The following NAALADL2 variants were observed in gnomAD, a reference collection of about 807,000 sequenced individuals.
The protein encoded by NAALADL2 is N-acetylated alpha-linked acidic dipeptidase like 2.
Under a neutral mutation model 87.2 loss-of-function variants are expected in NAALADL2, and 76 were observed. The observed-to-expected ratio is 0.87, with a 90% CI of 0.72 to 1.05. NAALADL2 has a LOEUF of 1.05. Ranked by LOEUF, NAALADL2 falls within the 50% of genes least tolerant of loss-of-function variation. The pLI is 0.00. For missense variants in NAALADL2, 1,089 were observed against 945.8 expected (o/e 1.15, Z -1.99); for synonymous variants, 354 against 331.0 (o/e 1.07, Z -0.75).
intron 1 of NAALADL2, among the ~76,000 whole-genome samples, chr3:175,016,752 T>C (rs1489416476): frequency 1.3e-5 from 2 of 151,990 alleles, no homozygotes; most frequent in Non-Finnish European, 2.9e-5. Flanking sequence ...ATGAATTATA[T>C]TTTTTCCTTA....
intron 13 of NAALADL2, among the ~76,000 whole-genome samples, chr3:175,779,995 G>A (rs143553104): frequency 5.2e-4 from 79 of 152,104 alleles, no homozygotes; most frequent in Non-Finnish European, 1.0e-3. Context: ...AGGGCCGGGC[G>A]CGGTGGCTCA....
At chr3:175,341,538 G>A (rs796590649) in intron 5 of NAALADL2, among the ~76,000 whole-genome samples, 29 of 152,174 alleles carry the variant, frequency 1.9e-4, no homozygotes, top group African/African-American at 7.0e-4. Flanking sequence ...TAGAATTGCT[G>A]GGTCATGTGG....
chr3:174,739,683 C>A (rs1733576088), intron 3 of NAALADL2, among the ~76,000 whole-genome samples: 1 of 151,906 alleles, frequency 6.6e-6, no homozygotes, highest in South Asian at 2.1e-4. Flanking sequence ...GAGGCTTTTG[C>A]TTTGGATGTC....
intron 11 of NAALADL2, among the ~76,000 whole-genome samples, chr3:175,698,821 A>G (rs767616740): frequency 3.3e-5 from 5 of 151,860 alleles, no homozygotes; most frequent in Non-Finnish European, 7.4e-5. Flanking sequence ...CTCAAAGACC[A>G]TAAAGCACTC....
chr3:175,331,595 A>C (rs1345035116), intron 5 of NAALADL2, among the ~76,000 whole-genome samples: 1 of 152,208 alleles, frequency 6.6e-6, no homozygotes, highest in Non-Finnish European at 1.5e-5. Flanking sequence ...AAGTAGGATG[A>C]AAAGGAATAT....
intron 1 of NAALADL2, among the ~76,000 whole-genome samples, chr3:174,906,404 T>C (rs1053582259): frequency 2.0e-5 from 3 of 152,116 alleles, no homozygotes; most frequent in African/African-American, 7.2e-5. Context: ...GAATGATTGA[T>C]TGAATGTCAC....
intron 1 of NAALADL2, among the ~76,000 whole-genome samples, chr3:175,024,372 C>A (rs907036958): frequency 1.3e-5 from 2 of 151,932 alleles, no homozygotes; most frequent in Non-Finnish European, 2.9e-5. Context: ...AAAATGGAGA[C>A]AATAACTAAG....
intron 11 of NAALADL2, among the ~76,000 whole-genome samples, chr3:175,633,114 C>T (rs1040698448): frequency 6.6e-6 from 1 of 152,058 alleles, no homozygotes; most frequent in African/African-American, 2.4e-5. Flanking sequence ...GTCCTCAAGA[C>T]AGAAATATTA....
At chr3:174,792,229 GA>G (rs1215591559) in intron 3 of NAALADL2, among the ~76,000 whole-genome samples, 1 of 144,524 alleles carries the variant, frequency 6.9e-6, no homozygotes, top group Non-Finnish European at 1.5e-5. Flanking sequence ...TCAACAGAAA[GA>G]AAGAGAGAAA....
At chr3:175,178,927 G>A (rs1274261865) in intron 2 of NAALADL2, among the ~76,000 whole-genome samples, 1 of 151,940 alleles carries the variant, frequency 6.6e-6, no homozygotes, top group Non-Finnish European at 1.5e-5. Context: ...GTGATTGAAA[G>A]GCTGATTTTA....
At position 175,467,676 on chromosome 3, in the gene NAALADL2, C is replaced by T. The variant is rs75148063; in HGVS notation, c.1533+492C>T. Among the ~76,000 whole-genome samples the T allele has an allele frequency of 3.9e-3, 590 of 152,274 alleles. 11 individuals carry two copies. The East Asian group carries it at 0.077, about 20-fold the overall frequency. ...ACTTTTTCCTCCTTTTACCACTCCA[C>T]TCTTTCACCCTTATCTCCCTACCTT... On this transcript the variant is annotated intron_variant, in intron 8 of 13. Coordinates refer to ENST00000454872, the MANE Select transcript of NAALADL2 (RefSeq NM_207015.3).
intron 1 of NAALADL2, among the ~76,000 whole-genome samples, chr3:174,979,552 G>A (rs866256260): frequency 7.2e-5 from 11 of 151,896 alleles, no homozygotes; most frequent in East Asian, 3.9e-4. Context: ...TGATCCGCCC[G>A]CCTCGGCCTC....
rs576530770 is a variant in NAALADL2, at chr3:174,690,730, C to T, written c.-114-46911C>T. Among the ~76,000 whole-genome samples the T allele has an allele frequency of 5.9e-5, 9 of 152,170 alleles. No homozygotes were observed. The East Asian group carries it at 1.7e-3, about 29-fold the overall frequency. ...TAATTTGTTAATAAAAGGGTAGGAG[C>T]ACTCCACTCCTACCATTTTGGATAT... On this transcript the variant is annotated intron_variant, in intron 2 of 3. Coordinates refer to the NAALADL2 transcript ENST00000434257.
At chr3:175,239,817 T>G (rs1746521170) in intron 3 of NAALADL2, among the ~76,000 whole-genome samples, 1 of 152,204 alleles carries the variant, frequency 6.6e-6, no homozygotes, top group South Asian at 2.1e-4. Flanking sequence ...CTCAGTGTTC[T>G]CATCCATATA....
chr3:175,216,679 T>C (rs1010742849), intron 2 of NAALADL2, among the ~76,000 whole-genome samples: 4 of 143,668 alleles, frequency 2.8e-5, no homozygotes, highest in Non-Finnish European at 4.5e-5. Context: ...TTTTTTTTTT[T>C]TTTTTTTGAG....
intron 9 of NAALADL2, among the ~76,000 whole-genome samples, chr3:175,482,379 C>A (rs967430916): frequency 2.8e-5 from 4 of 144,782 alleles, no homozygotes; most frequent in African/African-American, 9.8e-5. Context: ...CCGTAGACTG[C>A]AGATGTAGAG....
intron 3 of NAALADL2, among the ~76,000 whole-genome samples, chr3:174,797,147 A>G (rs1718192410): frequency 1.3e-5 from 2 of 152,038 alleles, no homozygotes; most frequent in Admixed American, 1.3e-4. Flanking sequence ...GGTGAGATAT[A>G]AGGGTTCAGT....
At chr3:175,729,314 G>C (rs1743355101) in intron 11 of NAALADL2, among the ~76,000 whole-genome samples, 1 of 152,070 alleles carries the variant, frequency 6.6e-6, no homozygotes, top group East Asian at 1.9e-4. Context: ...AGTTAGGACG[G>C]TTCATGATTC....
At chr3:174,614,018 C>A (rs963900322) in intron 2 of NAALADL2, among the ~76,000 whole-genome samples, 2 of 152,282 alleles carry the variant, frequency 1.3e-5, no homozygotes, top group African/African-American at 4.8e-5. Context: ...AGGACTCTGA[C>A]TGATGTCCTA....
Sources: gnomAD v4.1 joint callset for allele counts (sites outside exome capture counted in the v4.1 genomes callset) on GRCh38, gnomAD v4.1.1 for gene constraint, MANE v1.5 for transcripts, NCBI Gene and HGNC (gene_info 2026-07-23, HGNC 2026-07-21) for gene names.